The following ZDHHC20 variants were observed in gnomAD, a reference collection of about 807,000 sequenced individuals.
ZDHHC20 encodes the protein zDHHC palmitoyltransferase 20.
ZDHHC20 carries 43 observed loss-of-function variants against 57.8 expected under a neutral mutation model. The observed-to-expected ratio is 0.74, with a 90% CI of 0.58 to 0.96. ZDHHC20 has a LOEUF of 0.96. Ranked by LOEUF, ZDHHC20 falls within the 40% of genes least tolerant of loss-of-function variation. The probability of loss-of-function intolerance (pLI) is 0.00; values close to 1 mark genes in which losing one functional copy is unlikely to be tolerated. For synonymous variants in ZDHHC20, 157 were observed against 153.0 expected (o/e 1.03, Z -0.19); for missense variants, 391 against 441.1 (o/e 0.89, Z 1.02).
intron 1 of ZDHHC20, among the ~76,000 whole-genome samples, chr13:21,433,391 G>A (rs1428570434): frequency 4.6e-5 from 7 of 152,284 alleles, no homozygotes; most frequent in Non-Finnish European, 8.8e-5. Context: ...GCTGAGGCGG[G>A]CGGATCATGA....
chr13:21,421,195 G>A (rs564678328), intron 2 of ZDHHC20, 31 bp from the exon 3 acceptor site: 50 of 1,575,026 alleles, frequency 3.2e-5, no homozygotes, highest in Non-Finnish European at 4.3e-5. Context: ...ACAGTTCATT[G>A]AATCCAGGTG....
intron 4 of ZDHHC20, among the ~76,000 whole-genome samples, chr13:21,404,586 A>T (rs1014544348): frequency 6.6e-6 from 1 of 152,058 alleles, no homozygotes; most frequent in African/African-American, 2.4e-5. Flanking sequence ...CCCCGTCTCT[A>T]CTAAAAAAAT....
chr13:21,388,041 A>G (rs1301142514), intron 8 of ZDHHC20, among the ~76,000 whole-genome samples: 1 of 152,186 alleles, frequency 6.6e-6, no homozygotes, highest in African/African-American at 2.4e-5. Flanking sequence ...TTCCTACCAA[A>G]GAACCTAGAG....
intron 4 of ZDHHC20, among the ~76,000 whole-genome samples, chr13:21,409,816 G>A (rs1471863302): frequency 6.6e-6 from 1 of 152,042 alleles, no homozygotes; most frequent in East Asian, 1.9e-4. Flanking sequence ...TGGCTTCCTT[G>A]CATTTGGTTA....
At chr13:21,387,201 C>T (rs1306306312) in intron 9 of ZDHHC20, among the ~76,000 whole-genome samples, 1 of 152,088 alleles carries the variant, frequency 6.6e-6, no homozygotes, top group East Asian at 1.9e-4. Context: ...TGGCTAATAA[C>T]TATAAATTTT....
rs1240505340 is a variant in ZDHHC20 at position 21,402,880 on chromosome 13, G to T, written c.371-14C>A. On this transcript the variant is annotated splice_polypyrimidine_tract_variant and intron_variant, in intron 4 of 12. Coordinates refer to ENST00000400590, the MANE Select transcript of ZDHHC20 (RefSeq NM_001330059.2). ...AATATCTGATAGCTACATGAAAGAAGTAAAAGGAAGATGCTGAAGGATGTA... is the reference window on the plus strand; with the variant it reads ...AATATCTGATAGCTACATGAAAGAATTAAAAGGAAGATGCTGAAGGATGTA... 1 of 1,573,164 alleles carries T rather than the reference G, an allele frequency of 6.4e-7. No homozygotes were observed. Among genetic ancestry groups the T allele is most frequent in the South Asian group, 1.2e-5 (1 of 85,838 alleles).
chr13:21,447,426 G>A (rs1048628331), intron 1 of ZDHHC20, among the ~76,000 whole-genome samples: 2 of 148,500 alleles, frequency 1.3e-5, no homozygotes, highest in African/African-American at 4.9e-5. Flanking sequence ...CCGAGTGCCT[G>A]CGATTGCAGG....
intron 7 of ZDHHC20, among the ~76,000 whole-genome samples, chr13:21,392,783 A>G (rs951234664): frequency 6.6e-6 from 1 of 152,230 alleles, no homozygotes; most frequent in African/African-American, 2.4e-5. Context: ...TATTAGCATT[A>G]GGTTATTGTG....
chr13:21,381,893 A>C (rs776521511), intron 10 of ZDHHC20: 2 of 548,710 alleles, frequency 3.6e-6, no homozygotes, highest in South Asian at 2.8e-5. Context: ...CCAGTACAAA[A>C]CAATTACCTG....
chr13:21,457,302 G>A (rs1179650402), intron 1 of ZDHHC20, among the ~76,000 whole-genome samples: 1 of 151,950 alleles, frequency 6.6e-6, no homozygotes, highest in Non-Finnish European at 1.5e-5. Flanking sequence ...AACCACTACG[G>A]GAATTAAAAT....
chr13:21,452,538 GTA>G (rs1330476676), intron 1 of ZDHHC20, among the ~76,000 whole-genome samples: 1 of 152,062 alleles, frequency 6.6e-6, no homozygotes, highest in African/African-American at 2.4e-5. Context: ...ACTAGAAATG[GTA>G]ACTATAGGAA....
At chr13:21,443,572 T>A (rs375228346) in intron 1 of ZDHHC20, among the ~76,000 whole-genome samples, 1 of 152,232 alleles carries the variant, frequency 6.6e-6, no homozygotes, top group Non-Finnish European at 1.5e-5. Context: ...CTAATCTGTA[T>A]GGGTTTTAGA....
At chr13:21,431,336 C>T (rs1281387212) in intron 1 of ZDHHC20, among the ~76,000 whole-genome samples, 1 of 152,178 alleles carries the variant, frequency 6.6e-6, no homozygotes, top group East Asian at 1.9e-4. Flanking sequence ...TCATTCACTA[C>T]CACGAGAACA....
chr13:21,445,068 A>G (rs1405605988), intron 1 of ZDHHC20, among the ~76,000 whole-genome samples: 1 of 151,736 alleles, frequency 6.6e-6, no homozygotes, highest in African/African-American at 2.4e-5. Context: ...AAACACATAC[A>G]CACACACACA....
intron 9 of ZDHHC20, among the ~76,000 whole-genome samples, chr13:21,386,443 A>G (rs936908935): frequency 2.6e-5 from 4 of 152,258 alleles, no homozygotes; most frequent in Non-Finnish European, 5.9e-5. Flanking sequence ...GATAGTCTTA[A>G]AAGTAGCCAT....
chr13:21,448,145 G>A (rs1433866204), intron 1 of ZDHHC20, among the ~76,000 whole-genome samples: 3 of 142,290 alleles, frequency 2.1e-5, no homozygotes, highest in African/African-American at 7.7e-5. Context: ...CATCTGGGAG[G>A]TGAGGAGCGT....
intron 12 of ZDHHC20, chr13:21,377,073 C>A: frequency 6.1e-6 from 1 of 162,788 alleles, no homozygotes; most frequent in Non-Finnish European, 1.3e-5. Context: ...GAAATGTGGA[C>A]CTCAGACTGA....
intron 1 of ZDHHC20, among the ~76,000 whole-genome samples, chr13:21,448,466 G>T (rs1593283889): frequency 9.9e-6 from 1 of 101,370 alleles, no homozygotes. Flanking sequence ...GAAGGAGGTG[G>T]GGGGGGTCAG....
rs752533143 is a variant in ZDHHC20 at position 21,400,408 on chromosome 13, C to T, written c.559G>A (p.Ala187Thr). The change falls in exon 7 of 13, where the codon GCA (alanine) becomes ACA (threonine). Residue 187 changes from alanine (A) to threonine (T), a missense_variant. Ala to Thr is a moderately conservative substitution (Grantham distance 58). Around this residue, in one of 3 missense-constraint regions of ZDHHC20, gnomAD observed 197 missense variants for 220.8 expected, o/e 0.89. Coordinates refer to ENST00000400590, the MANE Select transcript of ZDHHC20 (RefSeq NM_001330059.2). Reference sequence around the variant, plus strand: ...TTTATAAAGTACTCTAAAACTGTTGCAGCCACGAAAAGGCAATATAATAGG... The same window carrying T: ...TTTATAAAGTACTCTAAAACTGTTGTAGCCACGAAAAGGCAATATAATAGG... ...YSLLYCLFVA[A>T]TVLEYFIKFW... The T allele has an allele frequency of 4.4e-6, 7 of 1,601,940 alleles. No homozygotes were observed. In the African/African-American group the frequency reaches 5.4e-5, roughly 12 times the overall value.
Sources: allele counts gnomAD v4.1 joint callset (sites outside exome capture counted in the v4.1 genomes callset), GRCh38; gene constraint gnomAD v4.1.1; regional missense constraint gnomAD v4.1.1; transcripts MANE v1.5; gene names NCBI Gene and HGNC (gene_info 2026-07-23, HGNC 2026-07-21).